Variants in PARD3 observed in about 807,000 individuals in gnomAD.
The protein encoded by PARD3 is partitioning defective 3 homolog.
In PARD3, 75 loss-of-function variants were observed where a neutral mutation model predicts 155.4. The ratio of observed to expected loss-of-function variants is 0.48; its 90% CI spans 0.40 to 0.58. PARD3 has a LOEUF of 0.58. PARD3 is among the 20% of genes least tolerant of loss of function. The probability of loss-of-function intolerance (pLI) is 0.00; values close to 1 mark genes in which losing one functional copy is unlikely to be tolerated. For synonymous variants in PARD3, 576 were observed against 610.5 expected (o/e 0.94, Z 0.83); for missense variants, 1,642 against 1,721.7 (o/e 0.95, Z 0.82).
At chr10:34,231,834 A>C (rs890549122) in intron 22 of PARD3, among the ~76,000 whole-genome samples, 5 of 151,994 alleles carry the variant, frequency 3.3e-5, no homozygotes, top group Non-Finnish European at 7.4e-5. Context: ...CTTATTAAAC[A>C]CAACCTTAGT....
intron 1 of PARD3, among the ~76,000 whole-genome samples, chr10:34,724,856 A>G (rs1590826664): frequency 6.6e-6 from 1 of 152,212 alleles, no homozygotes. Context: ...GTAACTGCGG[A>G]GCAAATGCTG....
rs192147555 is a variant in PARD3 at position 34,377,307 on chromosome 10, T to C, written c.1539+660A>G. On this transcript the variant is annotated intron_variant, in intron 10 of 24. Coordinates refer to ENST00000374788, the MANE Select transcript of PARD3 (RefSeq NM_001184785.2). ...AACCAAATGTCTGAGTAACTAAAAA[T>C]TTATAACTAAACTAAATGGGGCTGG... Among the ~76,000 whole-genome samples, 12 of 152,336 alleles carry C rather than the reference T, an allele frequency of 7.9e-5. No individual in the cohort carries two copies. The East Asian group carries it at 2.3e-3, about 29-fold the overall frequency.
intron 2 of PARD3, among the ~76,000 whole-genome samples, chr10:34,575,404 T>A (rs915944835): frequency 2.0e-5 from 3 of 152,204 alleles, no homozygotes; most frequent in African/African-American, 7.2e-5. Context: ...GTAGGCTTTA[T>A]CTATTTTCCT....
intron 2 of PARD3, among the ~76,000 whole-genome samples, chr10:34,634,726 T>C (rs1237433295): frequency 6.6e-6 from 1 of 152,240 alleles, no homozygotes; most frequent in Admixed American, 6.5e-5. Context: ...GCTGAGACCC[T>C]AAACTTGGTG....
intron 1 of PARD3, among the ~76,000 whole-genome samples, chr10:34,769,533 A>AGGCTGAGGAC (rs1838565723): frequency 6.6e-6 from 1 of 151,948 alleles, no homozygotes; most frequent in Non-Finnish European, 1.5e-5. Flanking sequence ...AGGCAGGTGG[A>AGGCTGAGGAC]TCACTTGAGT....
intron 22 of PARD3, among the ~76,000 whole-genome samples, chr10:34,268,081 G>C (rs1439391202): frequency 1.3e-5 from 2 of 152,164 alleles, no homozygotes; most frequent in African/African-American, 4.8e-5. Flanking sequence ...AAAAAGAAAT[G>C]ATTATTTGTG....
intron 2 of PARD3, among the ~76,000 whole-genome samples, chr10:34,658,889 A>G (rs2093252412): frequency 6.6e-6 from 1 of 152,234 alleles, no homozygotes; most frequent in Non-Finnish European, 1.5e-5. Context: ...ACCAGAGCCC[A>G]TTCACAGAGT....
chr10:34,711,979 CT>C (rs2094455445), intron 1 of PARD3, among the ~76,000 whole-genome samples: 1 of 152,186 alleles, frequency 6.6e-6, no homozygotes, highest in Non-Finnish European at 1.5e-5. Flanking sequence ...ACGAACCCAA[CT>C]TGCAATATGA....
At chr10:34,172,018 G>A (rs1186337409) in intron 22 of PARD3, among the ~76,000 whole-genome samples, 1 of 148,312 alleles carries the variant, frequency 6.7e-6, no homozygotes, top group Non-Finnish European at 1.5e-5. Flanking sequence ...CAACTTCTCT[G>A]GGTCTTTTCA....
intron 3 of PARD3, among the ~76,000 whole-genome samples, 189 bp from the exon 4 acceptor site, chr10:34,470,452 C>A (rs188430322): frequency 6.6e-6 from 1 of 152,128 alleles, no homozygotes; most frequent in Non-Finnish European, 1.5e-5. Context: ...GAAAGAGATG[C>A]GGTCAAGTGT....
chr10:34,643,586 A>G (rs144189946), intron 2 of PARD3, among the ~76,000 whole-genome samples: 164 of 152,376 alleles, frequency 1.1e-3, no homozygotes, highest in Non-Finnish European at 2.0e-3. Flanking sequence ...AATTCAGAGC[A>G]TTACACTTTA....
In PARD3 at chr10:34,109,613, G is replaced by A. The variant is rs1489694626; in HGVS notation, c.*1556C>T. ...GAGTTGCATATGTACAGAGAAAGCT[G>A]TTTCTCACAGCTCAGGGGAGGCTGT... On this transcript the variant is annotated 3_prime_UTR_variant, in exon 25 of 25. Coordinates refer to ENST00000374788, the MANE Select transcript of PARD3 (RefSeq NM_001184785.2). 1 of 152,026 alleles carries A rather than the reference G, an allele frequency of 6.6e-6. No homozygotes were observed. The highest frequency in any genetic ancestry group is 2.4e-5 in the African/African-American group (1 of 41,394). The allele number at this position is 152,026 out of a possible 1,614,324, so 9.4% of individuals were successfully genotyped here.
chr10:34,582,857 G>C (rs965498361), intron 2 of PARD3, among the ~76,000 whole-genome samples: 3 of 152,198 alleles, frequency 2.0e-5, no homozygotes, highest in Admixed American at 6.5e-5. Context: ...TCCTAAAAGG[G>C]AAACCAGGTG....
rs555655214 is a variant in PARD3 at position 34,455,087 on chromosome 10, T to C, written c.583-4639A>G. ...ATGGTCAGATTTCTTGGCAAGACTA[T>C]ATCCCTCTGTTGCAGAAGTCAGAAC... On this transcript the variant is annotated intron_variant, in intron 4 of 24. Transcript: ENST00000374788. Among the ~76,000 whole-genome samples, 17 of 152,294 alleles carry C rather than the reference T, an allele frequency of 1.1e-4. No individual in the cohort carries two copies. The East Asian group carries it at 2.7e-3, about 24-fold the overall frequency.
At chr10:34,126,012 C>T (rs1947270172) in intron 23 of PARD3, among the ~76,000 whole-genome samples, 1 of 152,224 alleles carries the variant, frequency 6.6e-6, no homozygotes, top group African/African-American at 2.4e-5. Context: ...CATATCGAAG[C>T]TCTGTGATAA....
intron 1 of PARD3, among the ~76,000 whole-genome samples, chr10:34,706,839 G>C (rs1316387901): frequency 6.6e-6 from 1 of 152,098 alleles, no homozygotes. Flanking sequence ...CAGGTGTTGT[G>C]GCTCACGCCT....
chr10:34,780,013 C>T (rs577992071), intron 1 of PARD3, among the ~76,000 whole-genome samples: 10 of 152,316 alleles, frequency 6.6e-5, no homozygotes, highest in Middle Eastern at 3.4e-3. Context: ...TGACTCTCTA[C>T]GATTCCCCAT....
Position 34,805,383 on chromosome 10 carries a change from C to G in PARD3, c.120+9493G>C, listed in dbSNP as rs537652046. Among the ~76,000 whole-genome samples the G allele has an allele frequency of 7.9e-5, 12 of 151,910 alleles. No homozygotes were observed. The East Asian group carries it at 1.9e-3, about 25-fold the overall frequency. ...AATACAAGAAGGGAAAAACCAGACA[C>G]TAGAAAAATATACATCTGAGTTCCA... is the stretch of plus-strand genomic sequence containing the variant. On this transcript the variant is annotated intron_variant, in intron 1 of 24. Transcript: ENST00000374788.
rs115264219 is a variant in PARD3, at chr10:34,758,086, T to C, written c.120+56790A>G. 9.9e-3 allele frequency among the ~76,000 whole-genome samples: 1,501 copies of C among 152,324 alleles called. 26 individuals carry two copies. Among genetic ancestry groups the C allele is most frequent in the African/African-American group, 0.034 (1,434 of 41,572 alleles). ...AAAGTATTCATTCTGTAATCCAATA[T>C]TGGCCTAAACTATGAAATGCTAGAA... On this transcript the variant is annotated intron_variant, in intron 1 of 24. Transcript: ENST00000374788.
Sources: gnomAD v4.1 joint callset for allele counts (sites outside exome capture counted in the v4.1 genomes callset) on GRCh38, gnomAD v4.1.1 for gene constraint, MANE v1.5 for transcripts, NCBI Gene and HGNC (gene_info 2026-07-23, HGNC 2026-07-21) for gene names.